HDAC4: variants seen among roughly 807,000 people sequenced by gnomAD.
The protein encoded by HDAC4 is histone deacetylase A.
A neutral mutation model predicts 135.1 loss-of-function variants in HDAC4; 16 were observed. The observed-to-expected ratio is 0.12, with a 90% CI of 0.08 to 0.18. HDAC4 has a LOEUF of 0.18. Ranked by LOEUF, HDAC4 falls within the 10% of genes least tolerant of loss-of-function variation. The pLI is 1.00. For synonymous variants in HDAC4, 685 were observed against 653.4 expected, an observed-to-expected ratio of 1.05 and a Z score of -0.74; for missense variants, 1,143 against 1,511.8, an observed-to-expected ratio of 0.76 and a Z score of 4.05.
At chr2:239,292,690 G>A (rs562306208) in intron 2 of HDAC4, among the ~76,000 whole-genome samples, 2 of 152,194 alleles carry the variant, frequency 1.3e-5, no homozygotes, top group African/African-American at 2.4e-5. Flanking sequence ...AGACTAAGGC[G>A]GGAGGCTGGG....
Position 239,134,625 on chromosome 2 carries a change from G to C in HDAC4, c.997C>G (p.Leu333Val), listed in dbSNP as rs1179388684. 1 of 1,614,142 alleles carries C rather than the reference G, an allele frequency of 6.2e-7. No individual in the cohort carries two copies. Among genetic ancestry groups the C allele is most frequent in the Admixed American group, 1.7e-5 (1 of 60,026 alleles). Residue 333 changes from leucine (L) to valine (V), a missense_variant, in exon 10 of 27, where the codon CTT becomes GTT. This residue lies in a region of HDAC4 where 272 missense variants were observed against 309.7 expected (regional missense o/e 0.88). Coordinates refer to ENST00000543185, the MANE Select transcript of HDAC4 (RefSeq NM_001378414.1). ...IPAETSLAHR[L>V]VAREGSAAPL... ...GCGGCCGAGCCTTCTCGTGCCACAA[G>C]TCTGTGCGCCAAACTCGTCTGGGGA...
chr2:239,087,862 T>TAACA (rs1287818335), intron 18 of HDAC4, among the ~76,000 whole-genome samples: 1 of 11,048 alleles, frequency 9.1e-5, no homozygotes, highest in African/African-American at 4.4e-4. Context: ...GTCACTAGGA[T>TAACA]AACAGGTGGG....
intron 1 of HDAC4, among the ~76,000 whole-genome samples, chr2:239,369,003 G>T (rs1304635957): frequency 1.3e-5 from 2 of 152,128 alleles, no homozygotes; most frequent in African/African-American, 4.8e-5. Flanking sequence ...AACCCCACGG[G>T]TGACACACCA....
chr2:239,209,798 G>T lies in HDAC4; in HGVS notation c.95-19721C>A, dbSNP rs1224634026. Among the ~76,000 whole-genome samples, 9 of 152,310 alleles carry T rather than the reference G, an allele frequency of 5.9e-5. No individual in the cohort carries two copies. In the South Asian group the frequency reaches 1.9e-3, roughly 32 times the overall value. The stretch of plus-strand genomic sequence containing the variant: ...ACATGTAAGTAACTCCTATAAAGCC[G>T]CCAGAAGGAGAGAATTCCAAAGAAC... On this transcript the variant is annotated intron_variant, in intron 3 of 26. Coordinates refer to ENST00000543185, the MANE Select transcript of HDAC4 (RefSeq NM_001378414.1).
At chr2:239,082,971 C>T (rs545254168) in intron 20 of HDAC4, among the ~76,000 whole-genome samples, 35 of 152,194 alleles carry the variant, frequency 2.3e-4, no homozygotes, top group African/African-American at 5.5e-4. Flanking sequence ...GTTCCCAGCA[C>T]GAGAACTTGC....
Position 239,298,631 on chromosome 2 carries a change from C to T in HDAC4, c.22+54047G>A. ...GATCAGCAGTGATAGGAACAGCCTGCCACTCTTTACAGAGCCGTGAGACTG... is the reference window on the plus strand; with the variant it reads ...GATCAGCAGTGATAGGAACAGCCTGTCACTCTTTACAGAGCCGTGAGACTG... On this transcript the variant is annotated intron_variant, in intron 2 of 26. Coordinates refer to ENST00000543185, the MANE Select transcript of HDAC4 (RefSeq NM_001378414.1). 3 of 990,446 alleles carry T rather than the reference C, an allele frequency of 3.0e-6. No homozygotes were observed. The African/African-American group carries it at 5.2e-5, about 17-fold the overall frequency. 61.4% of individuals were successfully genotyped at this position (990,446 alleles called of 1,614,324 possible).
intron 1 of HDAC4, among the ~76,000 whole-genome samples, chr2:239,380,500 GTAACC>G (rs1242116444): frequency 2.0e-5 from 3 of 152,162 alleles, no homozygotes; most frequent in African/African-American, 7.2e-5. Context: ...GGGCCTGACA[GTAACC>G]TTGTGTTTCA....
At chr2:239,293,137 C>G (rs1433118331) in intron 2 of HDAC4, among the ~76,000 whole-genome samples, 1 of 152,166 alleles carries the variant, frequency 6.6e-6, no homozygotes, top group East Asian at 1.9e-4. Flanking sequence ...CCAGCTGGGT[C>G]AGTCCTCACA....
Position 239,209,082 on chromosome 2 carries a change from T to C in HDAC4, c.95-19005A>G, listed in dbSNP as rs537710957. Among the ~76,000 whole-genome samples the C allele has an allele frequency of 4.0e-3, 608 of 152,338 alleles. 3 individuals are homozygous for C. Among genetic ancestry groups the C allele is most frequent in the Non-Finnish European group, 7.5e-3 (507 of 68,036 alleles). On this transcript the variant is annotated intron_variant, in intron 3 of 26. Transcript: ENST00000543185. ...ATTTTTTAAAGAGGGGGTTTCGCCA[T>C]GTTGCTCAGGCTGGTCTTGAACTCC...
chr2:239,131,929 C>T (rs749976682), intron 11 of HDAC4, among the ~76,000 whole-genome samples: 11 of 152,186 alleles, frequency 7.2e-5, no homozygotes, highest in Non-Finnish European at 1.6e-4. Flanking sequence ...AAGGAGAGTC[C>T]GGTGGATACA....
rs1033490227 is a variant in HDAC4 at position 239,098,585 on chromosome 2, C to T, written c.2234-3529G>A. Among the ~76,000 whole-genome samples, 4 of 152,372 alleles carry T rather than the reference C, an allele frequency of 2.6e-5. No homozygotes were observed. In the East Asian group the frequency reaches 7.7e-4, roughly 29 times the overall value. ...CAGTGACGCCTAGGGCAGCGGCCAG[C>T]CTGCCTCAGGCCCACGAGCCAATTC... On this transcript the variant is annotated intron_variant, in intron 16 of 26. Transcript: ENST00000543185.
At chr2:239,395,667 A>C (rs1696511563) in intron 1 of HDAC4, among the ~76,000 whole-genome samples, 1 of 152,188 alleles carries the variant, frequency 6.6e-6, no homozygotes, top group Admixed American at 6.5e-5. Context: ...ACTTAAAACC[A>C]GGAGTGGCCC....
At chr2:239,244,430 C>A (rs1214430038) in intron 2 of HDAC4, among the ~76,000 whole-genome samples, 1 of 152,104 alleles carries the variant, frequency 6.6e-6, no homozygotes, top group Non-Finnish European at 1.5e-5. Flanking sequence ...TGCACACTCA[C>A]ATGCAAACCT....
chr2:239,124,399 C>A (rs1162646760), intron 12 of HDAC4, among the ~76,000 whole-genome samples: 1 of 152,254 alleles, frequency 6.6e-6, no homozygotes, highest in Admixed American at 6.5e-5. Flanking sequence ...GAAATCATAC[C>A]ACACGCGGCC....
chr2:239,126,804 C>G, intron 11 of HDAC4, 110 bp from the exon 12 acceptor site: 1 of 1,221,078 alleles, frequency 8.2e-7, no homozygotes, highest in South Asian at 1.3e-5. Flanking sequence ...CCCGCCAGCC[C>G]AGGCGTTCTG....
intron 2 of HDAC4, among the ~76,000 whole-genome samples, chr2:239,288,960 A>G (rs986840984): frequency 6.6e-6 from 1 of 152,148 alleles, no homozygotes; most frequent in Non-Finnish European, 1.5e-5. Context: ...GCTTAGGAGG[A>G]GCTGGGACAA....
At chr2:239,260,428 C>T (rs1474134276) in intron 2 of HDAC4, among the ~76,000 whole-genome samples, 1 of 152,186 alleles carries the variant, frequency 6.6e-6, no homozygotes, top group Non-Finnish European at 1.5e-5. Context: ...CTAAGTGGTA[C>T]AAATAACGGG....
At chr2:239,267,881 G>A (rs1210605349) in intron 2 of HDAC4, among the ~76,000 whole-genome samples, 1 of 152,228 alleles carries the variant, frequency 6.6e-6, no homozygotes, top group East Asian at 1.9e-4. Flanking sequence ...TTCTTACATG[G>A]TAATTCTGCA....
rs1038201263 is a variant in HDAC4 at position 239,109,194 on chromosome 2, C to A, written c.1979-1011G>T. ...ACACACCTGGTCTTCCAGGACTTAA[C>A]AAAGGGAAGGCCAGGCTGGGTGAAC... On this transcript the variant is annotated intron_variant, in intron 14 of 26. Coordinates refer to ENST00000543185, the MANE Select transcript of HDAC4 (RefSeq NM_001378414.1). Among the ~76,000 whole-genome samples the A allele has an allele frequency of 4.6e-5, 7 of 152,340 alleles. No individual in the cohort carries two copies. The East Asian group carries it at 1.4e-3, about 29-fold the overall frequency.
Sources: gnomAD v4.1 joint callset for allele counts (sites outside exome capture counted in the v4.1 genomes callset) on GRCh38, gnomAD v4.1.1 for gene constraint, gnomAD v4.1.1 regional missense constraint, MANE v1.5 for transcripts, NCBI Gene and HGNC (gene_info 2026-07-23, HGNC 2026-07-21) for gene names.